Variants in ABCC1 observed in about 807,000 individuals in gnomAD.
The protein encoded by ABCC1 is ATP binding cassette subfamily C member 1 (ABCC1 blood group).
A neutral mutation model predicts 172.9 loss-of-function variants in ABCC1; 83 were observed. The observed-to-expected ratio is 0.48, with a 90% CI of 0.40 to 0.58. The LOEUF (loss-of-function observed/expected upper bound fraction) is 0.58, where lower values mean the gene tolerates loss of function less well. ABCC1 is among the 20% of genes least tolerant of loss of function. ABCC1 has a pLI of 0.00. For synonymous variants in ABCC1, 937 were observed against 825.2 expected, an observed-to-expected ratio of 1.14 and a Z score of -2.32; for missense variants, 1,817 against 2,002.7, an observed-to-expected ratio of 0.91 and a Z score of 1.77.
chr16:15,989,577 G>A (rs1469280178), intron 1 of ABCC1, among the ~76,000 whole-genome samples: 2 of 152,112 alleles, frequency 1.3e-5, no homozygotes, highest in African/African-American at 4.8e-5. Flanking sequence ...CTGCAGCGTT[G>A]TTTCTGAGTG....
chr16:16,079,235 C>A, intron 15 of ABCC1, 117 bp from the exon 16 acceptor site: 1 of 1,471,364 alleles, frequency 6.8e-7, no homozygotes, highest in Non-Finnish European at 9.3e-7. Flanking sequence ...TTAGTACAGT[C>A]TTGCCTTCTG....
At position 16,104,759 on chromosome 16, in the gene ABCC1, T is replaced by C. The variant is rs1406736217; in HGVS notation, c.2736-1979T>C. ...GAGGCTCGGGCCGCGCAGGAGCCCA[T>C]AGCGGGGAGGTGGGGAGGCTCAGGC... On this transcript the variant is annotated intron_variant, in intron 20 of 30. Transcript: ENST00000399410. Among the ~76,000 whole-genome samples, 4 of 152,226 alleles carry C rather than the reference T, an allele frequency of 2.6e-5. No individual in the cohort carries two copies. The South Asian group carries it at 8.3e-4, about 32-fold the overall frequency.
rs557316349 is a variant in ABCC1, at chr16:15,967,592, AATAATT to A, written c.48+17796_48+17801del. Among the ~76,000 whole-genome samples, 11 of 148,562 alleles carry A rather than the reference AATAATT, an allele frequency of 7.4e-5. No individual in the cohort carries two copies. In the South Asian group the frequency reaches 1.3e-3, roughly 17 times the overall value. On this transcript the variant is annotated intron_variant, in intron 1 of 30. Coordinates refer to ENST00000399410, the MANE Select transcript of ABCC1 (RefSeq NM_004996.4). ...CCCATCTCTACAAAATAATAATAAT[AATAATT>A]ATTATTATTATTATTAGCTGGGCAT...
At position 16,033,189 on chromosome 16, in the gene ABCC1, G is replaced by A. The variant is rs757350556; in HGVS notation, c.677+19G>A. 6.2e-7 allele frequency: 1 copy of A among 1,610,652 alleles called. No homozygotes were observed. The highest frequency in any genetic ancestry group is 8.5e-7 in the Non-Finnish European group (1 of 1,176,916). On this transcript the variant is annotated intron_variant, in intron 6 of 30. Transcript: ENST00000399410. ...TCACAGGGTAAGGCCAGGCCCCCCA[G>A]ACCTCAGGGAGGTGGTGGGGAGTGA...
chr16:15,950,277 T>G (rs1011989330), intron 1 of ABCC1, among the ~76,000 whole-genome samples: 35 of 152,148 alleles, frequency 2.3e-4, no homozygotes, highest in Non-Finnish European at 4.6e-4. Flanking sequence ...AAAGGGACTT[T>G]CATTGTCTCC....
intron 1 of ABCC1, among the ~76,000 whole-genome samples, chr16:15,985,275 G>A (rs1000882952): frequency 6.6e-6 from 1 of 152,162 alleles, no homozygotes; most frequent in African/African-American, 2.4e-5. Context: ...GGCAGAACCC[G>A]GGGCTTCACT....
rs543201297 is a variant in ABCC1 at position 16,115,453 on chromosome 16, A to G, written c.3390+377A>G. Among the ~76,000 whole-genome samples, 31 of 151,884 alleles carry G rather than the reference A, an allele frequency of 2.0e-4. No individual in the cohort carries two copies. The East Asian group carries it at 4.5e-3, about 22-fold the overall frequency. ...TACTGCAACCTCCACCTCCCAGTTC[A>G]AGTGATTCCCCTGCCTCAGCCTCCT... On this transcript the variant is annotated intron_variant, in intron 23 of 30. Coordinates refer to ENST00000399410, the MANE Select transcript of ABCC1 (RefSeq NM_004996.4).
chr16:16,069,822 G>A (rs1192167501), intron 13 of ABCC1, among the ~76,000 whole-genome samples: 9 of 152,032 alleles, frequency 5.9e-5, no homozygotes, highest in Non-Finnish European at 8.8e-5. Context: ...TCAGGAGTTC[G>A]AGACCAGCCT....
At chr16:16,129,066 C>T (rs1411779278) in intron 26 of ABCC1, among the ~76,000 whole-genome samples, 1 of 152,204 alleles carries the variant, frequency 6.6e-6, no homozygotes, top group East Asian at 1.9e-4. Flanking sequence ...TTCCTCTCCT[C>T]TCCAGAGAGA....
chr16:16,104,708 A>G (rs2051984473), intron 20 of ABCC1, among the ~76,000 whole-genome samples: 1 of 152,156 alleles, frequency 6.6e-6, no homozygotes, highest in African/African-American at 2.4e-5. Flanking sequence ...ACTGGGCGCC[A>G]TGGAGCAGGG....
intron 7 of ABCC1, among the ~76,000 whole-genome samples, chr16:16,039,844 A>T (rs1256358989): frequency 1.3e-5 from 2 of 152,130 alleles, no homozygotes; most frequent in East Asian, 3.9e-4. Context: ...TAGAGGGAGC[A>T]GCCAGTGCAA....
At chr16:16,125,189 A>C (rs1167381488) in intron 25 of ABCC1, among the ~76,000 whole-genome samples, 1 of 152,156 alleles carries the variant, frequency 6.6e-6, no homozygotes, top group African/African-American at 2.4e-5. Context: ...TAAAGCTATG[A>C]ATTTCCCTCT....
intron 18 of ABCC1, among the ~76,000 whole-genome samples, chr16:16,087,913 A>G (rs1318452189): frequency 6.6e-6 from 1 of 152,150 alleles, no homozygotes; most frequent in Non-Finnish European, 1.5e-5. Flanking sequence ...AACTTTTTAA[A>G]TAGGGTTATC....
chr16:16,109,050 C>A (rs1228894270), intron 21 of ABCC1, among the ~76,000 whole-genome samples: 1 of 152,202 alleles, frequency 6.6e-6, no homozygotes, highest in Non-Finnish European at 1.5e-5. Flanking sequence ...TGACCTGTCT[C>A]CTCACCCACA....
intron 1 of ABCC1, among the ~76,000 whole-genome samples, chr16:15,999,797 CT>C (rs1439172565): frequency 3.4e-4 from 11 of 32,552 alleles, no homozygotes; most frequent in African/African-American, 7.1e-4. Context: ...CTCTCTCTCT[CT>C]CTCTCTCTCT....
chr16:16,052,105 T>C (rs534035049), intron 10 of ABCC1, among the ~76,000 whole-genome samples: 1 of 152,022 alleles, frequency 6.6e-6, no homozygotes, highest in South Asian at 2.1e-4. Context: ...GTGGTGTGAG[T>C]GTAGTCACAG....
chr16:16,076,479 C>A, intron 15 of ABCC1, 78 bp downstream of exon 15: 1 of 1,364,966 alleles, frequency 7.3e-7, no homozygotes. Context: ...CGAATTCCCA[C>A]CGTGCTCCCT....
chr16:16,002,843 G>A (rs544708887), intron 1 of ABCC1, among the ~76,000 whole-genome samples: 4 of 151,914 alleles, frequency 2.6e-5, no homozygotes, highest in South Asian at 2.1e-4. Context: ...ATGGAGTATC[G>A]TAGTGCCTTT....
intron 23 of ABCC1, among the ~76,000 whole-genome samples, chr16:16,116,426 C>T (rs1177552453): frequency 6.6e-6 from 1 of 152,094 alleles, no homozygotes. Context: ...CTGTTTTTTT[C>T]TGTACATACA....
Sources: gnomAD v4.1 joint callset for allele counts (sites outside exome capture counted in the v4.1 genomes callset) on GRCh38, gnomAD v4.1.1 for gene constraint, MANE v1.5 for transcripts, NCBI Gene and HGNC (gene_info 2026-07-23, HGNC 2026-07-21) for gene names.